Variants in MCPH1 observed in about 807,000 individuals in gnomAD.
MCPH1 encodes the protein microcephalin.
MCPH1 carries 104 observed loss-of-function variants against 84.5 expected under a neutral mutation model. The ratio of observed to expected loss-of-function variants is 1.23; its 90% confidence interval spans 1.05 to 1.45. MCPH1 has a LOEUF of 1.45. MCPH1 is among the 40% of genes most tolerant of loss of function. MCPH1 has a pLI of 0.00. For synonymous variants in MCPH1, 514 were observed against 366.8 expected, an observed-to-expected ratio of 1.40 and a Z score of -4.58; for missense variants, 1,498 against 1,005.7, an observed-to-expected ratio of 1.49 and a Z score of -6.62.
intron 12 of MCPH1, chr8:6,503,020 G>A: frequency 1.3e-6 from 2 of 1,533,890 alleles, no homozygotes; most frequent in South Asian, 2.4e-5. Flanking sequence ...AGAGGACACA[G>A]TGCGCAGCCG....
intron 8 of MCPH1, among the ~76,000 whole-genome samples, chr8:6,453,194 G>A (rs569150328): frequency 6.6e-6 from 1 of 152,160 alleles, no homozygotes; most frequent in Non-Finnish European, 1.5e-5. Context: ...TGCCAAAAGT[G>A]GAGTCCAACT....
chr8:6,629,650 A>G (rs1194195693), intron 13 of MCPH1, among the ~76,000 whole-genome samples: 1 of 152,136 alleles, frequency 6.6e-6, no homozygotes, highest in Non-Finnish European at 1.5e-5. Context: ...GAACTGTGAA[A>G]AAATACATGT....
intron 12 of MCPH1, among the ~76,000 whole-genome samples, chr8:6,610,295 T>A (rs1372833905): frequency 6.6e-6 from 1 of 152,242 alleles, no homozygotes; most frequent in Non-Finnish European, 1.5e-5. Context: ...CACCTTGATT[T>A]TAGACAAACT....
chr8:6,572,995 G>A (rs1826788134), intron 12 of MCPH1, among the ~76,000 whole-genome samples: 2 of 152,220 alleles, frequency 1.3e-5, no homozygotes, highest in African/African-American at 2.4e-5. Flanking sequence ...AAAACTGAGG[G>A]AAATTATATT....
At chr8:6,614,966 G>A (rs887603872) in intron 12 of MCPH1, among the ~76,000 whole-genome samples, 1 of 152,142 alleles carries the variant, frequency 6.6e-6, no homozygotes, top group African/African-American at 2.4e-5. Context: ...TGCATAGTGA[G>A]CCTCCTAACA....
intron 7 of MCPH1, among the ~76,000 whole-genome samples, chr8:6,443,558 A>G (rs949513918): frequency 1.3e-5 from 2 of 152,184 alleles, no homozygotes; most frequent in Admixed American, 6.5e-5. Flanking sequence ...CTGAGCCCCT[A>G]TTGAGGGAGC....
chr8:6,484,310 C>G (rs564297470), intron 11 of MCPH1, among the ~76,000 whole-genome samples: 13 of 152,190 alleles, frequency 8.5e-5, no homozygotes, highest in Non-Finnish European at 1.3e-4. Context: ...TAAAAAGATG[C>G]TCATCATTAT....
rs575838053 is a variant in MCPH1 at position 6,505,599 on chromosome 8, AATAT to A, written c.2214+5677_2214+5680del. Among the ~76,000 whole-genome samples, 23 of 126,122 alleles carry A rather than the reference AATAT, an allele frequency of 1.8e-4. 1 individual carries two copies. The South Asian group carries it at 5.3e-3, about 29-fold the overall frequency. The allele number at this position is 126,122 out of a possible 152,430, so 82.7% of individuals were successfully genotyped here. A position where few individuals can be genotyped will look rare whatever the true frequency, so the allele number is the denominator to read the frequency against. ...ATGTATATTCTTTTTGTATATATGG[AATAT>A]ATATATTCTTTATATATTTATATAT... On this transcript the variant is annotated intron_variant, in intron 12 of 13. Transcript: ENST00000344683.
At chr8:6,530,577 G>A (rs1021213288) in intron 12 of MCPH1, among the ~76,000 whole-genome samples, 2 of 128,534 alleles carry the variant, frequency 1.6e-5, no homozygotes, top group Non-Finnish European at 3.4e-5. Flanking sequence ...CTAATAATTC[G>A]CTTTAGATAT....
At chr8:6,409,407 T>G (rs752757394) in intron 2 of MCPH1, 37 bp downstream of exon 2, 41 of 1,473,876 alleles carry the variant, frequency 2.8e-5, no homozygotes, top group Non-Finnish European at 3.4e-5. Context: ...CATATGACAG[T>G]CTTCTGATTG....
At chr8:6,519,829 G>A (rs750361458) in intron 12 of MCPH1, 6 of 1,609,730 alleles carry the variant, frequency 3.7e-6, no homozygotes, top group Middle Eastern at 1.6e-4. Flanking sequence ...CCTGCCTAGA[G>A]CCAGGGAGTT....
In MCPH1 at chr8:6,646,995, A is replaced by G. The variant is rs1012872788; in HGVS notation, c.*3946A>G. The G allele has an allele frequency of 1.6e-4, 24 of 152,114 alleles. No individual in the cohort carries two copies. The highest frequency in any genetic ancestry group is 3.4e-3 in the Middle Eastern group (1 of 294). The allele number at this position is 152,114 out of a possible 1,614,324, so 9.4% of individuals were successfully genotyped here. A position where few individuals can be genotyped will look rare whatever the true frequency, so the allele number is the denominator to read the frequency against. On this transcript the variant is annotated 3_prime_UTR_variant, in exon 14 of 14. Coordinates refer to ENST00000344683, the MANE Select transcript of MCPH1 (RefSeq NM_024596.5). ...TAAGTTTTGCTCTTCTGAAGAAACC[A>G]TTAAAAAAAAATGAAAAGACAAGCC... is the stretch of plus-strand genomic sequence containing the variant.
At position 6,409,374 on chromosome 8, in the gene MCPH1, A is replaced by G. The variant is rs1168505249; in HGVS notation, c.114+4A>G. Reference sequence around the variant, plus strand: ...GCTTGTGGATATGGGGGCAAAGGTAAGACACTTATTTTGCTGTTGATTCAT... The same window carrying G: ...GCTTGTGGATATGGGGGCAAAGGTAGGACACTTATTTTGCTGTTGATTCAT... On this transcript the variant is annotated splice_donor_region_variant and intron_variant, in intron 2 of 13. Transcript: ENST00000344683. 6.2e-7 allele frequency: 1 copy of G among 1,601,856 alleles called. No homozygotes were observed. The highest frequency in any genetic ancestry group is 1.7e-5 in the Admixed American group (1 of 59,998).
At chr8:6,536,592 C>A (rs752261570) in intron 12 of MCPH1, among the ~76,000 whole-genome samples, 1 of 152,260 alleles carries the variant, frequency 6.6e-6, no homozygotes, top group African/African-American at 2.4e-5. Context: ...ACAAAAGAAT[C>A]TGTGTTTTCT....
chr8:6,635,853 C>T (rs959245761), intron 13 of MCPH1, among the ~76,000 whole-genome samples: 1 of 152,184 alleles, frequency 6.6e-6, no homozygotes, highest in African/African-American at 2.4e-5. Context: ...GTTGGGAGAG[C>T]AGAGGCCTGC....
chr8:6,489,526 C>G (rs924048802), intron 11 of MCPH1, among the ~76,000 whole-genome samples: 3 of 152,134 alleles, frequency 2.0e-5, no homozygotes, highest in African/African-American at 4.8e-5. Context: ...CAGGATGAAT[C>G]CAATGACTAA....
intron 9 of MCPH1, among the ~76,000 whole-genome samples, chr8:6,460,312 C>G (rs893666006): frequency 6.6e-6 from 1 of 152,010 alleles, no homozygotes; most frequent in African/African-American, 2.4e-5. Flanking sequence ...TAAGTCTATT[C>G]TGATGCTAAA....
At chr8:6,591,786 A>G (rs1050486178) in intron 12 of MCPH1, among the ~76,000 whole-genome samples, 1 of 152,198 alleles carries the variant, frequency 6.6e-6, no homozygotes, top group African/African-American at 2.4e-5. Flanking sequence ...AACTTCGTCT[A>G]ACCCCCTAGA....
intron 13 of MCPH1, chr8:6,624,773 CACACGTAA>C: frequency 1.0e-6 from 1 of 978,290 alleles, no homozygotes; most frequent in Non-Finnish European, 1.2e-6. Flanking sequence ...TCCATACATA[CACACGTAA>C]ACCTACAGAA....
Sources: gnomAD v4.1 joint callset for allele counts (sites outside exome capture counted in the v4.1 genomes callset) on GRCh38, gnomAD v4.1.1 for gene constraint, MANE v1.5 for transcripts, NCBI Gene and HGNC (gene_info 2026-07-23, HGNC 2026-07-21) for gene names.